Variants in CADPS2 observed in about 807,000 individuals in gnomAD.
CADPS2 encodes calcium-dependent secretion activator 2.
A neutral mutation model predicts 172.5 loss-of-function variants in CADPS2; 93 were observed. The observed-to-expected ratio is 0.54, with a 90% CI of 0.46 to 0.64. CADPS2 has a LOEUF of 0.64. Among genes scored for constraint, CADPS2 ranks in the 30% least tolerant of loss-of-function variants. CADPS2 has a pLI of 0.00. For synonymous variants in CADPS2, 546 were observed against 555.2 expected (o/e 0.98, Z 0.23); for missense variants, 1,420 against 1,565.9 (o/e 0.91, Z 1.57).
chr7:122,640,102 C>T (rs2077454170), intron 3 of CADPS2, among the ~76,000 whole-genome samples: 1 of 152,208 alleles, frequency 6.6e-6, no homozygotes, highest in Admixed American at 6.5e-5. Context: ...TGGCATGCCT[C>T]TCTACCAGTT....
At chr7:122,333,448 A>G (rs748033057) in intron 28 of CADPS2, among the ~76,000 whole-genome samples, 5 of 152,180 alleles carry the variant, frequency 3.3e-5, no homozygotes, top group Non-Finnish European at 7.3e-5. Flanking sequence ...GTCACGGTGC[A>G]GTCCCCCAGG....
chr7:122,584,316 C>T (rs971607341), intron 6 of CADPS2, among the ~76,000 whole-genome samples: 3 of 151,822 alleles, frequency 2.0e-5, no homozygotes, highest in East Asian at 3.9e-4. Flanking sequence ...TCTCTTTCTC[C>T]TTGAGTGAAT....
At chr7:122,718,837 A>G (rs1201237113) in intron 2 of CADPS2, among the ~76,000 whole-genome samples, 1 of 152,118 alleles carries the variant, frequency 6.6e-6, no homozygotes, top group Admixed American at 6.6e-5. Context: ...ATACAATGGA[A>G]TTAATCTGTT....
rs118181380 is a variant in CADPS2 at position 122,576,539 on chromosome 7, C to T, written c.1335+4640G>A. Among the ~76,000 whole-genome samples, 466 of 152,258 alleles carry T rather than the reference C, an allele frequency of 3.1e-3. 3 individuals are homozygous for T. The highest frequency in any genetic ancestry group is 5.3e-3 in the Non-Finnish European group (358 of 68,018). On this transcript the variant is annotated intron_variant, in intron 7 of 29. Transcript: ENST00000449022. ...GTGTGTGTTCATGTTAGTGTGCATACATTAATGTACATTCTTTGTAACATA... is the reference window on the plus strand; with the variant it reads ...GTGTGTGTTCATGTTAGTGTGCATATATTAATGTACATTCTTTGTAACATA...
intron 3 of CADPS2, among the ~76,000 whole-genome samples, chr7:122,655,285 A>C (rs938587177): frequency 3.3e-5 from 5 of 152,222 alleles, no homozygotes; most frequent in African/African-American, 1.2e-4. Flanking sequence ...CTGTGGGTAA[A>C]ATACTATCAA....
rs1813198647 is a variant in CADPS2, at chr7:122,850,293, CA to C, written c.339+35705del. ...CCAGGACTCCCCAGCAGCCTCCTTT[CA>C]GGGGATGAAGACTTCTCCTCCAATG... On this transcript the variant is annotated intron_variant, in intron 1 of 29. Coordinates refer to ENST00000449022, the MANE Select transcript of CADPS2 (RefSeq NM_017954.11). 2.3e-5 allele frequency: 14 copies of C among 607,006 alleles called. No individual in the cohort carries two copies. The Admixed American group carries it at 4.2e-4, about 18-fold the overall frequency. The allele number at this position is 607,006 out of a possible 1,614,324, so 37.6% of individuals were successfully genotyped here.
At chr7:122,824,556 TC>T (rs1804338034) in intron 1 of CADPS2, among the ~76,000 whole-genome samples, 1 of 152,250 alleles carries the variant, frequency 6.6e-6, no homozygotes. Context: ...AACTGTCTGT[TC>T]ATATCCTTTG....
Position 122,512,862 on chromosome 7 carries a change from A to G in CADPS2, c.1542+387T>C, listed in dbSNP as rs2060100758. On this transcript the variant is annotated intron_variant, in intron 9 of 29. Transcript: ENST00000449022. ...CGAGGTCAAAACTGTCTTTATAAGAATATTCAGAAGTTATTTGTCTTTTTC... is the reference window on the plus strand; with the variant it reads ...CGAGGTCAAAACTGTCTTTATAAGAGTATTCAGAAGTTATTTGTCTTTTTC... 3.3e-5 allele frequency among the ~76,000 whole-genome samples: 5 copies of G among 152,264 alleles called. No individual in the cohort carries two copies. The South Asian group carries it at 1.0e-3, about 32-fold the overall frequency.
At chr7:122,862,898 A>G (rs945717028) in intron 1 of CADPS2, among the ~76,000 whole-genome samples, 13 of 152,226 alleles carry the variant, frequency 8.5e-5, no homozygotes, top group Admixed American at 6.5e-5. Context: ...TAACTAGTCA[A>G]GAAGATAAAG....
At position 122,744,970 on chromosome 7, in the gene CADPS2, CT is replaced by C. The variant is rs111615580; in HGVS notation, c.340-7903del. Among the ~76,000 whole-genome samples, 249 of 147,824 alleles carry C rather than the reference CT, an allele frequency of 1.7e-3. 7 individuals carry two copies. The East Asian group carries it at 0.035, about 21-fold the overall frequency. ...TACATTCCATGTACATCTCATTTTT[CT>C]TTTTTTTTTTACTTTATTGAACTAT... On this transcript the variant is annotated intron_variant, in intron 1 of 29. Transcript: ENST00000449022.
intron 1 of CADPS2, among the ~76,000 whole-genome samples, chr7:122,861,777 A>T (rs1305433645): frequency 6.6e-6 from 1 of 152,268 alleles, no homozygotes; most frequent in Non-Finnish European, 1.5e-5. Context: ...AAACATCATA[A>T]TGTATCCCAT....
chr7:122,761,338 C>A (rs1408260828), intron 1 of CADPS2, among the ~76,000 whole-genome samples: 1 of 152,144 alleles, frequency 6.6e-6, no homozygotes, highest in African/African-American at 2.4e-5. Flanking sequence ...TCTGAGGAAT[C>A]AAACTAAGCC....
chr7:122,690,696 A>G (rs1248404113), intron 2 of CADPS2, among the ~76,000 whole-genome samples: 1 of 152,006 alleles, frequency 6.6e-6, no homozygotes, highest in Non-Finnish European at 1.5e-5. Context: ...AGGTAATTCT[A>G]TAACTTTCAC....
At chr7:122,739,880 A>G (rs2092376192) in intron 1 of CADPS2, among the ~76,000 whole-genome samples, 1 of 152,186 alleles carries the variant, frequency 6.6e-6, no homozygotes. Flanking sequence ...TCGAAGAAAC[A>G]GACCGAAATA....
chr7:122,349,234 T>C (rs117526743), intron 27 of CADPS2, among the ~76,000 whole-genome samples: 2,333 of 152,272 alleles, frequency 0.015, 29 homozygotes, highest in Non-Finnish European at 0.024. Context: ...AGATTAGTTT[T>C]TATTAAGAAT....
intron 3 of CADPS2, among the ~76,000 whole-genome samples, chr7:122,657,024 T>G (rs1410956862): frequency 6.6e-6 from 1 of 152,212 alleles, no homozygotes; most frequent in African/African-American, 2.4e-5. Flanking sequence ...GCTTTCTACA[T>G]ATGGCTAGCC....
chr7:122,539,039 C>T (rs2062629105), intron 8 of CADPS2, among the ~76,000 whole-genome samples: 1 of 152,042 alleles, frequency 6.6e-6, no homozygotes, highest in Non-Finnish European at 1.5e-5. Flanking sequence ...ATTTAACACA[C>T]ACACATACTA....
chr7:122,441,284 G>A (rs1456929100), intron 16 of CADPS2, among the ~76,000 whole-genome samples: 1 of 152,122 alleles, frequency 6.6e-6, no homozygotes, highest in African/African-American at 2.4e-5. Flanking sequence ...CCAAAAAGAT[G>A]CCATAATATG....
chr7:122,445,669 T>G (rs559228827), intron 15 of CADPS2, among the ~76,000 whole-genome samples: 3 of 152,074 alleles, frequency 2.0e-5, no homozygotes, highest in Non-Finnish European at 4.4e-5. Flanking sequence ...GAAAATATTA[T>G]CTGCGCATGG....
Sources: allele counts gnomAD v4.1 joint callset (sites outside exome capture counted in the v4.1 genomes callset), GRCh38; gene constraint gnomAD v4.1.1; transcripts MANE v1.5; gene names NCBI Gene and HGNC (gene_info 2026-07-23, HGNC 2026-07-21).